Variants in TNS3 observed in about 807,000 individuals in gnomAD.
TNS3 encodes tensin 3.
TNS3 carries 45 observed loss-of-function variants against 140.9 expected under a neutral mutation model. The observed-to-expected ratio is 0.32, with a 90% CI of 0.25 to 0.41. The LOEUF (loss-of-function observed/expected upper bound fraction) is 0.41. Among genes scored for constraint, TNS3 ranks in the 10% least tolerant of loss-of-function variants. The probability of loss-of-function intolerance (pLI) is 1.00; values close to 1 mark genes in which losing one functional copy is unlikely to be tolerated. For missense variants in TNS3, 1,716 were observed against 1,906.7 expected (o/e 0.90, Z 1.86); for synonymous variants, 815 against 788.4 (o/e 1.03, Z -0.56).
chr7:47,414,924 A>C (rs193045701), intron 11 of TNS3, among the ~76,000 whole-genome samples, 170 bp downstream of exon 11: 4 of 152,180 alleles, frequency 2.6e-5, no homozygotes, highest in African/African-American at 9.6e-5. Flanking sequence ...CCACATAAAC[A>C]TGGGGCTCTG....
At chr7:47,571,609 C>A (rs1219797704) in intron 1 of TNS3, among the ~76,000 whole-genome samples, 1 of 152,262 alleles carries the variant, frequency 6.6e-6, no homozygotes, top group Non-Finnish European at 1.5e-5. Context: ...CAGACAATAG[C>A]GATCACAGTC....
chr7:47,542,070 AG>A (rs1416828248), intron 1 of TNS3, among the ~76,000 whole-genome samples: 1 of 151,818 alleles, frequency 6.6e-6, no homozygotes, highest in African/African-American at 2.4e-5. Flanking sequence ...GAGACTCGGG[AG>A]TTATGTGCAG....
intron 20 of TNS3, among the ~76,000 whole-genome samples, chr7:47,326,886 G>C (rs1788051497): frequency 6.6e-6 from 1 of 152,196 alleles, no homozygotes; most frequent in Admixed American, 6.5e-5. Flanking sequence ...GCTGGACCTT[G>C]AGCCACTTGG....
At chr7:47,438,008 C>A (rs1361394037) in intron 6 of TNS3, among the ~76,000 whole-genome samples, 1 of 149,290 alleles carries the variant, frequency 6.7e-6, no homozygotes, top group Non-Finnish European at 1.5e-5. Flanking sequence ...ATTTGTGGAA[C>A]CTTGCTAAAT....
intron 4 of TNS3, among the ~76,000 whole-genome samples, chr7:47,471,247 A>T (rs2964947): frequency 0.99 from 150,783 of 152,292 alleles, 74,657 homozygotes; most frequent in East Asian, 1. Context: ...GTCCCAGAAG[A>T]CTGTGCCCAC....
intron 4 of TNS3, among the ~76,000 whole-genome samples, chr7:47,459,635 G>A (rs1270141621): frequency 6.6e-6 from 1 of 152,152 alleles, no homozygotes; most frequent in Non-Finnish European, 1.5e-5. Context: ...ACAGGGCCCA[G>A]TGTCTGGTGC....
In TNS3 at chr7:47,389,076, A is replaced by T. The variant is rs1293594646; in HGVS notation, c.1024+7724T>A. 1.5e-4 allele frequency among the ~76,000 whole-genome samples: 9 copies of T among 58,328 alleles called. 1 individual carries two copies. The East Asian group carries it at 2.0e-3, about 13-fold the overall frequency. The allele number at this position is 58,328 out of a possible 152,430, so 38.3% of individuals were successfully genotyped here. A position where few individuals can be genotyped will look rare whatever the true frequency, so the allele number is the denominator to read the frequency against. On this transcript the variant is annotated intron_variant, in intron 16 of 30. Coordinates refer to ENST00000311160, the MANE Select transcript of TNS3 (RefSeq NM_022748.12). The stretch of plus-strand genomic sequence containing the variant: ...GAAGAAGAAGAAGAAGAAGAAGAAG[A>T]AGAAGAAGAGGAAGAGGAAGAGGAA...
chr7:47,386,902 T>TA (rs907119278), intron 16 of TNS3, among the ~76,000 whole-genome samples: 1 of 152,194 alleles, frequency 6.6e-6, no homozygotes, highest in African/African-American at 2.4e-5. Context: ...TGTGCTATGT[T>TA]AAAAAATTTA....
chr7:47,416,564 C>T (rs926332355), intron 10 of TNS3, among the ~76,000 whole-genome samples: 2 of 152,170 alleles, frequency 1.3e-5, no homozygotes, highest in African/African-American at 4.8e-5. Context: ...TTCTCTTCTG[C>T]TCTCTCAGAA....
chr7:47,430,943 G>A (rs1373531792), intron 8 of TNS3, among the ~76,000 whole-genome samples: 2 of 151,628 alleles, frequency 1.3e-5, no homozygotes, highest in East Asian at 2.0e-4. Flanking sequence ...GGCTGGTCTC[G>A]AACTCCTGAC....
At chr7:47,292,756 G>T in intron 26 of TNS3, 72 bp downstream of exon 26, 2 of 1,347,778 alleles carry the variant, frequency 1.5e-6, no homozygotes, top group Non-Finnish European at 2.1e-6. Flanking sequence ...GGATCTTCAT[G>T]GATCTCTAAA....
intron 10 of TNS3, among the ~76,000 whole-genome samples, chr7:47,415,734 T>A (rs181494272): frequency 1.2e-4 from 19 of 152,360 alleles, no homozygotes; most frequent in East Asian, 1.9e-4. Flanking sequence ...CCACATCTGA[T>A]AAGAGGCTCT....
chr7:47,453,191 A>G, intron 4 of TNS3: 1 of 985,548 alleles, frequency 1.0e-6, no homozygotes, highest in Non-Finnish European at 1.2e-6. Context: ...GCAGGCATGG[A>G]GCTCACAGGA....
At chr7:47,392,632 G>A (rs1792594521) in intron 16 of TNS3, among the ~76,000 whole-genome samples, 1 of 152,238 alleles carries the variant, frequency 6.6e-6, no homozygotes, top group Admixed American at 6.5e-5. Flanking sequence ...TGGTGGGAAT[G>A]CGGCTGGGAC....
At chr7:47,413,775 C>T (rs1393993803) in intron 12 of TNS3, among the ~76,000 whole-genome samples, 162 bp downstream of exon 12, 1 of 151,948 alleles carries the variant, frequency 6.6e-6, no homozygotes, top group African/African-American at 2.4e-5. Context: ...GGAGCACGGG[C>T]CACGAGAGGA....
chr7:47,500,165 T>G (rs1798158353), intron 3 of TNS3, among the ~76,000 whole-genome samples: 2 of 152,144 alleles, frequency 1.3e-5, no homozygotes, highest in African/African-American at 4.8e-5. Context: ...AGACTCTCAT[T>G]TCGTCCTGTG....
At chr7:47,314,259 C>T (rs1305511958) in intron 20 of TNS3, among the ~76,000 whole-genome samples, 1 of 152,216 alleles carries the variant, frequency 6.6e-6, no homozygotes, top group East Asian at 1.9e-4. Flanking sequence ...CTACACTTTA[C>T]ACAGAACCTA....
rs1387052768 is a variant in TNS3 at position 47,368,743 on chromosome 7, G to A, written c.1903C>T (p.Arg635Ter). 6.3e-7 allele frequency: 1 copy of A among 1,581,574 alleles called. No homozygotes were observed. The highest frequency in any genetic ancestry group is 8.6e-7 in the Non-Finnish European group (1 of 1,163,438). ...ACAGCCACCCTACTGCTGGTCCCTC[G>A]GGTGGGGGTGAGTGGCACTCTGGGC... is the stretch of plus-strand genomic sequence containing the variant. ...AQPRVPLTPT[R>*]GTSSRVAVQR... The change falls in exon 17 of 31, where the codon CGA becomes TGA. Residue 635 changes from arginine (R) to a stop codon, truncating the protein, a stop_gained. Transcript: ENST00000311160. LOFTEE classifies it high-confidence loss of function.
chr7:47,502,969 G>A (rs556104494), intron 3 of TNS3, among the ~76,000 whole-genome samples: 1 of 152,266 alleles, frequency 6.6e-6, no homozygotes, highest in East Asian at 1.9e-4. Context: ...GAGCCAGGGG[G>A]TCTGAGAGCA....
Sources: gnomAD v4.1 joint callset for allele counts (sites outside exome capture counted in the v4.1 genomes callset) on GRCh38, gnomAD v4.1.1 for gene constraint, MANE v1.5 for transcripts, NCBI Gene and HGNC (gene_info 2026-07-23, HGNC 2026-07-21) for gene names.